The following BRD1 variants were observed in gnomAD, a reference collection of about 807,000 sequenced individuals.
BRD1 encodes the protein bromodomain containing 1.
Under a neutral mutation model 107.7 loss-of-function variants are expected in BRD1, and 24 were observed. The ratio of observed to expected loss-of-function variants is 0.22; its 90% CI spans 0.16 to 0.31. BRD1 has a LOEUF of 0.31. Ranked by LOEUF, BRD1 falls within the 10% of genes least tolerant of loss-of-function variation. The pLI is 1.00. For missense variants in BRD1, 1,279 were observed against 1,638.6 expected (o/e 0.78, Z 3.79); for synonymous variants, 744 against 686.1 (o/e 1.08, Z -1.32).
intron 2 of BRD1, among the ~76,000 whole-genome samples, chr22:49,808,844 C>G (rs2059795639): frequency 6.6e-6 from 1 of 152,154 alleles, no homozygotes; most frequent in African/African-American, 2.4e-5. Context: ...GTGAGCCGGG[C>G]GCAGTGGCTT....
At chr22:49,776,796 AC>A (rs1317456931) in intron 10 of BRD1, among the ~76,000 whole-genome samples, 3 of 152,176 alleles carry the variant, frequency 2.0e-5, no homozygotes, top group Non-Finnish European at 4.4e-5. Flanking sequence ...ACAGAGCTGG[AC>A]GTTCCACAGG....
chr22:49,796,426 C>T (rs190900317), intron 6 of BRD1, among the ~76,000 whole-genome samples: 128 of 151,682 alleles, frequency 8.4e-4, no homozygotes, highest in Non-Finnish European at 1.6e-3. Flanking sequence ...GCACAATCTC[C>T]GCTCACTGCA....
At chr22:49,827,189 G>A (rs1601762135) in intron 1 of BRD1, among the ~76,000 whole-genome samples, 2 of 149,862 alleles carry the variant, frequency 1.3e-5, no homozygotes, top group African/African-American at 4.9e-5. Context: ...CCAGGCCGCC[G>A]AGACCCACAG....
chr22:49,826,993 C>G (rs766305563), intron 1 of BRD1, among the ~76,000 whole-genome samples: 3 of 152,156 alleles, frequency 2.0e-5, no homozygotes, highest in Non-Finnish European at 4.4e-5. Context: ...TGCCGGTTCC[C>G]AAGCCCGGCC....
intron 11 of BRD1, 113 bp from the exon 12 acceptor site, chr22:49,775,858 ACC>A (rs1479901138): frequency 1.9e-5 from 19 of 996,886 alleles, no homozygotes; most frequent in East Asian, 1.2e-4. Context: ...GCCTCCTCAG[ACC>A]ACCCCCACGC....
intron 7 of BRD1, among the ~76,000 whole-genome samples, chr22:49,789,426 G>T (rs534629164): frequency 1.3e-5 from 2 of 152,262 alleles, no homozygotes; most frequent in African/African-American, 2.4e-5. Context: ...TGACGCAGCT[G>T]GTGTCTGGGG....
At chr22:49,799,327 C>T (rs1033400997) in intron 3 of BRD1, among the ~76,000 whole-genome samples, 1 of 152,160 alleles carries the variant, frequency 6.6e-6, no homozygotes, top group Non-Finnish European at 1.5e-5. Context: ...ATGGAGGGGA[C>T]AGAGGGGACC....
chr22:49,823,347 T>C lies in BRD1; in HGVS notation c.971A>G (p.Lys324Arg). The change falls in exon 2 of 13, where the codon AAA becomes AGA. Residue 324 changes from lysine to arginine, a missense_variant. Lys to Arg is a conservative substitution (Grantham distance 26). This residue lies in a region of BRD1 where 158 missense variants were observed against 310.2 expected (regional missense o/e 0.51). Coordinates refer to ENST00000404760, the MANE Select transcript of BRD1 (RefSeq NM_001304808.3). ...CTGCTTACAGAGGTAGCATGTCAGTTTCCACCGGGCTGGAGGGATGTTCCT... is the reference window on the plus strand; with the variant it reads ...CTGCTTACAGAGGTAGCATGTCAGTCTCCACCGGGCTGGAGGGATGTTCCT... ...GVRNIPPARW[K>R]LTCYLCKQKG... 6.2e-7 allele frequency: 1 copy of C among 1,614,176 alleles called. No individual in the cohort carries two copies. The highest frequency in any genetic ancestry group is 8.5e-7 in the Non-Finnish European group (1 of 1,180,038).
chr22:49,787,299 A>G (rs914802542), intron 8 of BRD1, 91 bp downstream of exon 8: 3 of 544,632 alleles, frequency 5.5e-6, no homozygotes, highest in Non-Finnish European at 5.8e-6. Context: ...GAAGCTGGAC[A>G]CCCCCCCCCC....
chr22:49,777,860 A>G (rs754487735), intron 8 of BRD1, 47 bp from the exon 9 acceptor site: 8 of 1,557,146 alleles, frequency 5.1e-6, no homozygotes, highest in Middle Eastern at 3.4e-4. Context: ...ACCAGGGCAC[A>G]CTGAAGCATG....
In BRD1 at chr22:49,776,045, C is replaced by T; in HGVS notation, c.3231+5G>A. On this transcript the variant is annotated splice_donor_5th_base_variant and intron_variant, in intron 11 of 12. Coordinates refer to ENST00000404760, the MANE Select transcript of BRD1 (RefSeq NM_001304808.3). ...ACCCGCAGGCGCCACGAGAGCCGTACTCACCAGTGCCGGGTAGGAGGGGTA... is the reference window on the plus strand; with the variant it reads ...ACCCGCAGGCGCCACGAGAGCCGTATTCACCAGTGCCGGGTAGGAGGGGTA... 1 of 1,557,174 alleles carries T rather than the reference C, an allele frequency of 6.4e-7. No individual in the cohort carries two copies.
intron 6 of BRD1, among the ~76,000 whole-genome samples, chr22:49,796,784 G>A (rs182335136): frequency 2.2e-4 from 33 of 152,232 alleles, no homozygotes; most frequent in Non-Finnish European, 3.8e-4. Context: ...GCGAAGCAAC[G>A]ATGGCCCAGC....
At chr22:49,777,227 TC>T in intron 9 of BRD1, 66 bp from the exon 10 acceptor site, 1 of 1,591,234 alleles carries the variant, frequency 6.3e-7, no homozygotes, top group Admixed American at 1.7e-5. Flanking sequence ...TCGGGCTTCG[TC>T]CCGTGAGCTG....
chr22:49,813,106 G>A (rs192770155), intron 2 of BRD1, among the ~76,000 whole-genome samples: 1 of 152,308 alleles, frequency 6.6e-6, no homozygotes, highest in Non-Finnish European at 1.5e-5. Flanking sequence ...GACTCCTCGA[G>A]GTGGCCGGGC....
At chr22:49,776,187 AGGCGTCAGCAGGACACG>A (rs754486993) in intron 10 of BRD1, 28 bp from the exon 11 acceptor site, 10 of 1,582,898 alleles carry the variant, frequency 6.3e-6, no homozygotes, top group East Asian at 2.2e-5. Context: ...AGCAGGACAC[AGGCGTCAGCAGGACACG>A]GGGCACGCCC....
At chr22:49,793,911 TG>T in intron 7 of BRD1, 122 bp downstream of exon 7, 1 of 1,346,562 alleles carries the variant, frequency 7.4e-7, no homozygotes, top group Non-Finnish European at 1.0e-6. Context: ...TTTACGGAAC[TG>T]GCGCTAACCT....
intron 2 of BRD1, among the ~76,000 whole-genome samples, chr22:49,809,763 T>C (rs2059815047): frequency 6.6e-6 from 1 of 152,066 alleles, no homozygotes; most frequent in Non-Finnish European, 1.5e-5. Flanking sequence ...AAATTCCAAA[T>C]GCGTACACAC....
chr22:49,812,925 G>A (rs76354454), intron 2 of BRD1, among the ~76,000 whole-genome samples: 12,719 of 152,244 alleles, frequency 0.084, 649 homozygotes, highest in South Asian at 0.17. Context: ...CTGGAGACAA[G>A]GGGTGCCCTC....
chr22:49,774,530 G>T, intron 12 of BRD1, 114 bp from the exon 13 acceptor site: 3 of 1,178,710 alleles, frequency 2.5e-6, no homozygotes, highest in Non-Finnish European at 3.6e-6. Flanking sequence ...GCCCTGCTCA[G>T]CACCACCAAG....
Sources: gnomAD v4.1 joint callset for allele counts (sites outside exome capture counted in the v4.1 genomes callset) on GRCh38, gnomAD v4.1.1 for gene constraint, gnomAD v4.1.1 regional missense constraint, MANE v1.5 for transcripts, NCBI Gene and HGNC (gene_info 2026-07-23, HGNC 2026-07-21) for gene names.